MAGI1: variants seen among roughly 807,000 people sequenced by gnomAD.
MAGI1 encodes membrane associated guanylate kinase, WW and PDZ domain containing 1.
A neutral mutation model predicts 139.9 loss-of-function variants in MAGI1; 58 were observed. That is an observed-to-expected ratio of 0.41 (90% CI 0.34 to 0.52). The LOEUF is 0.52. Ranked by LOEUF, MAGI1 falls within the 20% of genes least tolerant of loss-of-function variation. MAGI1 has a pLI of 0.12. For synonymous variants in MAGI1, 812 were observed against 737.9 expected (o/e 1.10, Z -1.63); for missense variants, 1,874 against 1,901.6 (o/e 0.99, Z 0.27).
At chr3:66,012,757 C>T (rs369786004) in intron 1 of MAGI1, among the ~76,000 whole-genome samples, 1 of 138,218 alleles carries the variant, frequency 7.2e-6, no homozygotes, top group African/African-American at 2.6e-5. Context: ...TAGGGTGAGA[C>T]TCCATCTCAA....
At chr3:65,592,481 T>A (rs1318036501) in intron 2 of MAGI1, among the ~76,000 whole-genome samples, 1 of 152,172 alleles carries the variant, frequency 6.6e-6, no homozygotes, top group Non-Finnish European at 1.5e-5. Flanking sequence ...CTTGGGGACA[T>A]TATGTGGTTG....
intron 2 of MAGI1, among the ~76,000 whole-genome samples, chr3:65,552,250 G>C (rs2079869719): frequency 7.9e-6 from 1 of 126,572 alleles, no homozygotes; most frequent in Non-Finnish European, 1.6e-5. Flanking sequence ...GCTCAGGAGT[G>C]TGTATAGGGG....
chr3:65,608,781 T>C (rs759002929), intron 2 of MAGI1, among the ~76,000 whole-genome samples: 2 of 152,166 alleles, frequency 1.3e-5, no homozygotes, highest in Non-Finnish European at 2.9e-5. Context: ...ATTCTACTCC[T>C]AGAATTGTGC....
intron 1 of MAGI1, among the ~76,000 whole-genome samples, chr3:65,929,395 C>T (rs2062683933): frequency 6.6e-6 from 1 of 151,258 alleles, no homozygotes; most frequent in African/African-American, 2.4e-5. Flanking sequence ...TGCTGGAGTG[C>T]AGTGGCGCGA....
intron 8 of MAGI1, among the ~76,000 whole-genome samples, chr3:65,441,957 G>C (rs1948367630): frequency 6.6e-6 from 1 of 152,076 alleles, no homozygotes; most frequent in Admixed American, 6.6e-5. Flanking sequence ...AAATATGACA[G>C]TTACATCTTC....
At chr3:65,487,278 C>T (rs910633715) in intron 3 of MAGI1, among the ~76,000 whole-genome samples, 1 of 152,150 alleles carries the variant, frequency 6.6e-6, no homozygotes, top group Non-Finnish European at 1.5e-5. Flanking sequence ...ATTGGATATT[C>T]GTTTATTTAA....
intron 1 of MAGI1, among the ~76,000 whole-genome samples, chr3:65,647,032 A>T (rs777815903): frequency 4.6e-5 from 7 of 152,162 alleles, no homozygotes; most frequent in Non-Finnish European, 7.4e-5. Context: ...TAAGGAAAAG[A>T]GAACAAATCA....
intron 12 of MAGI1, among the ~76,000 whole-genome samples, chr3:65,425,660 C>A (rs1946991007): frequency 6.6e-6 from 1 of 152,152 alleles, no homozygotes; most frequent in Non-Finnish European, 1.5e-5. Context: ...CATGCCTTCT[C>A]TCAAAAGTAA....
intron 8 of MAGI1, 50 bp downstream of exon 8, chr3:65,442,742 T>C: frequency 1.5e-6 from 2 of 1,369,668 alleles, no homozygotes; most frequent in Non-Finnish European, 2.1e-6. Flanking sequence ...CAAATGTACA[T>C]AATTATAGAG....
intron 2 of MAGI1, among the ~76,000 whole-genome samples, chr3:65,523,239 C>T (rs1388469959): frequency 6.6e-6 from 1 of 152,120 alleles, no homozygotes; most frequent in East Asian, 1.9e-4. Context: ...TGCATGCCCA[C>T]CATTTATCTC....
At chr3:65,638,346 A>AT (rs1009783897) in intron 1 of MAGI1, among the ~76,000 whole-genome samples, 1 of 152,076 alleles carries the variant, frequency 6.6e-6, no homozygotes, top group Admixed American at 6.6e-5. Context: ...ACAGAAAAGA[A>AT]TTTTTTTTAA....
chr3:65,807,927 T>C (rs2040972962), intron 1 of MAGI1, among the ~76,000 whole-genome samples: 1 of 151,982 alleles, frequency 6.6e-6, no homozygotes, highest in Non-Finnish European at 1.5e-5. Context: ...AGATTTAAAA[T>C]GAGACCCAGC....
rs1363497941 is a variant in MAGI1, at chr3:65,356,419, T to G, written c.4348A>C (p.Arg1450=). Residue 1450 remains arginine, a synonymous_variant, in exon 23 of 23, where the codon AGG becomes CGG. Transcript: ENST00000402939. ...GTGCTACATTCTTTGTAAGGTCGCC[T>G]TCTCTGCTCCGGGGGATGTCTGGAA... ...RSSRHPPEQR[R]RPYKECSTDL... is the part of the protein sequence containing the mutation. 5 of 1,606,820 alleles carry G rather than the reference T, an allele frequency of 3.1e-6. No individual in the cohort carries two copies. The highest frequency in any genetic ancestry group is 4.2e-6 in the Non-Finnish European group (5 of 1,178,054).
chr3:65,599,890 A>G (rs920656047), intron 2 of MAGI1, among the ~76,000 whole-genome samples: 2 of 152,222 alleles, frequency 1.3e-5, no homozygotes, highest in Non-Finnish European at 2.9e-5. Context: ...TTCATTCTTG[A>G]TTCACATCTA....
intron 2 of MAGI1, among the ~76,000 whole-genome samples, chr3:65,501,595 C>A (rs2077085371): frequency 6.6e-6 from 1 of 151,956 alleles, no homozygotes; most frequent in Non-Finnish European, 1.5e-5. Context: ...TACTCACATG[C>A]CTTATTGGGA....
At chr3:65,375,722 G>C in intron 18 of MAGI1, 23 bp downstream of exon 18, 1 of 1,550,720 alleles carries the variant, frequency 6.4e-7, no homozygotes, top group Non-Finnish European at 8.9e-7. Flanking sequence ...GAGAGAGAGA[G>C]AGAGATAATA....
At chr3:65,414,427 C>T (rs113605228) in intron 12 of MAGI1, among the ~76,000 whole-genome samples, 3,948 of 152,292 alleles carry the variant, frequency 0.026, 116 homozygotes, top group Non-Finnish European at 0.032. Flanking sequence ...AATCCGAACG[C>T]TTTCTTCCTG....
chr3:65,663,001 G>A (rs2086286460), intron 1 of MAGI1, among the ~76,000 whole-genome samples: 2 of 152,162 alleles, frequency 1.3e-5, no homozygotes, highest in Admixed American at 1.3e-4. Context: ...ACGGGTGCTG[G>A]AGGAGCCAAG....
intron 10 of MAGI1, among the ~76,000 whole-genome samples, chr3:65,436,022 T>C (rs1394887723): frequency 1.3e-5 from 2 of 152,198 alleles, no homozygotes; most frequent in African/African-American, 4.8e-5. Context: ...GTCATGTTGA[T>C]ACTAATCAAC....
Sources: gnomAD v4.1 joint callset for allele counts (sites outside exome capture counted in the v4.1 genomes callset) on GRCh38, gnomAD v4.1.1 for gene constraint, MANE v1.5 for transcripts, NCBI Gene and HGNC (gene_info 2026-07-23, HGNC 2026-07-21) for gene names.